Variants in DGKI observed in about 807,000 individuals in gnomAD.
The protein encoded by DGKI is diacylglycerol kinase iota, also known as DAG kinase iota.
Under a neutral mutation model 147.5 loss-of-function variants are expected in DGKI, and 55 were observed. The observed-to-expected ratio is 0.37, with a 90% confidence interval of 0.30 to 0.47. The LOEUF (loss-of-function observed/expected upper bound fraction) is 0.47. Ranked by LOEUF, DGKI falls within the 20% of genes least tolerant of loss-of-function variation. DGKI has a pLI of 1.00. For synonymous variants in DGKI, 469 were observed against 477.1 expected (o/e 0.98, Z 0.22); for missense variants, 1,007 against 1,323.8 (o/e 0.76, Z 3.71).
At chr7:137,475,074 C>T (rs1815122631) in intron 23 of DGKI, among the ~76,000 whole-genome samples, 1 of 152,072 alleles carries the variant, frequency 6.6e-6, no homozygotes, top group African/African-American at 2.4e-5. Context: ...ATTATTTTAC[C>T]TAAAACAATT....
intron 1 of DGKI, among the ~76,000 whole-genome samples, chr7:137,799,658 C>T (rs1342370850): frequency 7.2e-5 from 11 of 152,160 alleles, no homozygotes; most frequent in African/African-American, 2.4e-4. Flanking sequence ...AGAAGTCAAT[C>T]ACATGCTTTC....
intron 1 of DGKI, among the ~76,000 whole-genome samples, chr7:137,721,056 C>T (rs1255636811): frequency 6.6e-6 from 1 of 152,176 alleles, no homozygotes; most frequent in East Asian, 1.9e-4. Flanking sequence ...GCAACCATTA[C>T]CAGTCCATAA....
rs546225341 is a variant in DGKI at position 137,565,785 on chromosome 7, T to C, written c.1947+5390A>G. Among the ~76,000 whole-genome samples, 6 of 152,290 alleles carry C rather than the reference T, an allele frequency of 3.9e-5. No individual in the cohort carries two copies. The East Asian group carries it at 5.8e-4, about 15-fold the overall frequency. ...GCAGAAATAAATACAAATTACAATG[T>C]CTGATTATGGTCTGTGTAAACTCCA... On this transcript the variant is annotated intron_variant, in intron 19 of 32. Coordinates refer to ENST00000614521, the MANE Select transcript of DGKI (RefSeq NM_001321708.2).
chr7:137,736,476 C>T (rs753042147), intron 1 of DGKI, among the ~76,000 whole-genome samples: 1 of 152,104 alleles, frequency 6.6e-6, no homozygotes, highest in African/African-American at 2.4e-5. Flanking sequence ...CAGACCTTAC[C>T]TCTTCACGTT....
At chr7:137,392,687 T>C (rs1014114013) in intron 32 of DGKI, among the ~76,000 whole-genome samples, 1 of 152,212 alleles carries the variant, frequency 6.6e-6, no homozygotes, top group African/African-American at 2.4e-5. Flanking sequence ...TTTATTCAAC[T>C]TGTTTGCAGC....
intron 3 of DGKI, among the ~76,000 whole-genome samples, chr7:137,672,766 C>CTTTTTTTTTTTTTTTT (rs60078498): frequency 6.1e-5 from 4 of 65,690 alleles, no homozygotes; most frequent in African/African-American, 2.9e-4. Flanking sequence ...CTCTGTGTGT[C>CTTTTTTTTTTTTTTTT]TTTTTTTTTT....
chr7:137,641,162 A>G (rs991271374), intron 6 of DGKI, among the ~76,000 whole-genome samples: 30 of 152,252 alleles, frequency 2.0e-4, no homozygotes, highest in Middle Eastern at 3.4e-3. Context: ...TTTGCCTGTC[A>G]CCATCCACAT....
At chr7:137,487,021 T>C (rs1815589313) in intron 22 of DGKI, among the ~76,000 whole-genome samples, 1 of 152,148 alleles carries the variant, frequency 6.6e-6, no homozygotes, top group Non-Finnish European at 1.5e-5. Context: ...ACAATTGTAA[T>C]GATGAGTTTG....
chr7:137,693,892 T>C (rs1297843848), intron 1 of DGKI, among the ~76,000 whole-genome samples: 1 of 152,188 alleles, frequency 6.6e-6, no homozygotes, highest in Non-Finnish European at 1.5e-5. Flanking sequence ...CTAAGAAACA[T>C]CAAAACGGCT....
intron 21 of DGKI, among the ~76,000 whole-genome samples, chr7:137,506,047 G>A (rs540710485): frequency 1.3e-5 from 2 of 152,246 alleles, no homozygotes; most frequent in East Asian, 3.9e-4. Context: ...AAGACAGCTT[G>A]GCAGTTTCTC....
chr7:137,486,890 G>C (rs1017189608), intron 22 of DGKI, among the ~76,000 whole-genome samples: 1 of 152,026 alleles, frequency 6.6e-6, no homozygotes, highest in African/African-American at 2.4e-5. Flanking sequence ...CAAGAAAAGT[G>C]ACTCTAATAT....
intron 30 of DGKI, among the ~76,000 whole-genome samples, chr7:137,399,576 G>A (rs917229182): frequency 6.6e-6 from 1 of 152,154 alleles, no homozygotes. Flanking sequence ...CCCATGTAAA[G>A]TCAAATTAAT....
intron 5 of DGKI, among the ~76,000 whole-genome samples, chr7:137,647,534 A>T (rs956838780): frequency 6.6e-6 from 1 of 152,168 alleles, no homozygotes; most frequent in Non-Finnish European, 1.5e-5. Flanking sequence ...TTGTATGTAC[A>T]ATCGTAAATA....
chr7:137,649,866 C>A (rs1334502515), intron 5 of DGKI, among the ~76,000 whole-genome samples: 1 of 150,902 alleles, frequency 6.6e-6, no homozygotes, highest in Non-Finnish European at 1.5e-5. Flanking sequence ...AAAGGAGATC[C>A]AGAAAGATTC....
intron 1 of DGKI, among the ~76,000 whole-genome samples, chr7:137,704,017 C>T (rs1207642446): frequency 1.3e-5 from 2 of 152,070 alleles, no homozygotes; most frequent in African/African-American, 4.8e-5. Context: ...TTGTGACCAG[C>T]CTGGCCAACA....
At chr7:137,786,466 T>C (rs550003887) in intron 1 of DGKI, among the ~76,000 whole-genome samples, 4 of 152,040 alleles carry the variant, frequency 2.6e-5, no homozygotes, top group South Asian at 2.1e-4. Flanking sequence ...AAAGAAATCA[T>C]AGATGCCACA....
In DGKI at chr7:137,793,822, G is replaced by A. The variant is rs1053672243; in HGVS notation, c.401+52640C>T. ...CTTTATTTTCTGGAGTTTGAATAAAGTTATTTAATCTGTTAATAATTTTCT... is the reference window on the plus strand; with the variant it reads ...CTTTATTTTCTGGAGTTTGAATAAAATTATTTAATCTGTTAATAATTTTCT... On this transcript the variant is annotated intron_variant, in intron 1 of 32. Transcript: ENST00000614521. Among the ~76,000 whole-genome samples the A allele has an allele frequency of 9.9e-5, 15 of 152,258 alleles. No individual in the cohort carries two copies. In the East Asian group the frequency reaches 2.7e-3, roughly 27 times the overall value.
intron 20 of DGKI, among the ~76,000 whole-genome samples, chr7:137,546,540 A>G (rs913791405): frequency 6.6e-6 from 1 of 152,232 alleles, no homozygotes; most frequent in Non-Finnish European, 1.5e-5. Context: ...TAATACCAAG[A>G]AAGTCTAATT....
At chr7:137,595,278 C>T (rs1173557155) in intron 12 of DGKI, among the ~76,000 whole-genome samples, 5 of 152,152 alleles carry the variant, frequency 3.3e-5, no homozygotes, top group African/African-American at 7.2e-5. Flanking sequence ...CACAGACATT[C>T]GAAACTGTAA....
Sources: allele counts gnomAD v4.1 joint callset (sites outside exome capture counted in the v4.1 genomes callset), GRCh38; gene constraint gnomAD v4.1.1; transcripts MANE v1.5; gene names NCBI Gene and HGNC (gene_info 2026-07-23, HGNC 2026-07-21).